POLA2: variants seen among roughly 807,000 people sequenced by gnomAD.
POLA2 encodes DNA polymerase alpha subunit B.
POLA2 carries 47 observed loss-of-function variants against 82.8 expected under a neutral mutation model. That is an observed-to-expected ratio of 0.57 (90% CI 0.45 to 0.72). The LOEUF (loss-of-function observed/expected upper bound fraction) is 0.72. POLA2 is among the 30% of genes least tolerant of loss of function. The probability of loss-of-function intolerance (pLI) is 0.00; values close to 1 mark genes in which losing one functional copy is unlikely to be tolerated. For missense variants in POLA2, 634 were observed against 728.1 expected (o/e 0.87, Z 1.49); for synonymous variants, 287 against 286.8 (o/e 1.00, Z -0.01).
intron 13 of POLA2, among the ~76,000 whole-genome samples, chr11:65,290,248 C>CAA (rs34183279): frequency 2.8e-4 from 20 of 71,196 alleles, no homozygotes; most frequent in Admixed American, 1.3e-3. Context: ...AACTCCATCT[C>CAA]AAAAAAAAAA....
At position 65,281,083 on chromosome 11, in the gene POLA2, C is replaced by G. The variant is rs1272655188; in HGVS notation, c.836C>G (p.Ser279Cys). 2 of 1,614,118 alleles carry G rather than the reference C, an allele frequency of 1.2e-6. No homozygotes were observed. Among genetic ancestry groups the G allele is most frequent in the Admixed American group, 3.3e-5 (2 of 60,024 alleles). The change falls in exon 8 of 18, where the codon TCC (serine) becomes TGC (cysteine). Residue 279 changes from serine to cysteine, a missense_variant. Physicochemically the swap from Ser to Cys is moderately radical, Grantham distance 112. Transcript: ENST00000265465. ...SVILEGDREH[S>C]SGAQIPVDLS... is the part of the protein sequence containing the mutation. ...ATTCTCGAGGGAGACCGGGAACATT[C>G]CTCGGGTGCTCAAATTCCAGTGGAT...
rs765901225 is a variant in POLA2, at chr11:65,280,988, G to A, written c.745-4G>A. ...ATTCTTATGCTGTGACCTTCCTTTG[G>A]TAGGAGCCTGTCACTCTGCTGGGCC... On this transcript the variant is annotated splice_polypyrimidine_tract_variant and splice_region_variant and intron_variant, in intron 7 of 17. Transcript: ENST00000265465. 112 of 1,613,188 alleles carry A rather than the reference G, an allele frequency of 6.9e-5. No individual in the cohort carries two copies. In the South Asian group the frequency reaches 1.1e-3, roughly 15 times the overall value.
intron 4 of POLA2, among the ~76,000 whole-genome samples, chr11:65,272,059 C>T (rs112638102): frequency 0.014 from 2,092 of 152,228 alleles, 39 homozygotes; most frequent in African/African-American, 0.048. Flanking sequence ...CCTGTAATCC[C>T]AGCACTTTGG....
At chr11:65,293,470 T>C (rs1047928971) in intron 13 of POLA2, among the ~76,000 whole-genome samples, 1 of 151,896 alleles carries the variant, frequency 6.6e-6, no homozygotes, top group African/African-American at 2.4e-5. Flanking sequence ...ATTAGGTGGG[T>C]GTGGTGGTGT....
In POLA2 at chr11:65,268,662, G is replaced by A; in HGVS notation, c.297-10G>A. 1 of 1,581,310 alleles carries A rather than the reference G, an allele frequency of 6.3e-7. No homozygotes were observed. Among genetic ancestry groups the A allele is most frequent in the Non-Finnish European group, 8.6e-7 (1 of 1,156,422 alleles). The stretch of plus-strand genomic sequence containing the variant: ...CAGCCATTATTGTTTTTCTTAACCA[G>A]TGTTCTTAGAATTGAAGTGGAAGAA... On this transcript the variant is annotated splice_polypyrimidine_tract_variant and intron_variant, in intron 3 of 17. Coordinates refer to ENST00000265465, the MANE Select transcript of POLA2 (RefSeq NM_002689.4).
At chr11:65,292,344 C>T (rs775040697) in intron 13 of POLA2, among the ~76,000 whole-genome samples, 81 of 152,202 alleles carry the variant, frequency 5.3e-4, no homozygotes, top group Non-Finnish European at 9.7e-4. Flanking sequence ...CTGTGACGTA[C>T]GAGGTTGTGC....
chr11:65,278,766 C>A lies in POLA2; in HGVS notation c.498C>A (p.Asn166Lys), dbSNP rs771671574. 6.2e-7 allele frequency: 1 copy of A among 1,613,676 alleles called. No homozygotes were observed. Among genetic ancestry groups the A allele is most frequent in the African/African-American group, 1.3e-5 (1 of 74,992 alleles). ...TPSQKYNSRS[N>K]RGEVVTSFGL... The stretch of plus-strand genomic sequence containing the variant: ...CCCAGAAATACAACTCACGAAGTAA[C>A]CGAGGAGAAGTGGTTACCTCCTTCG... Residue 166 changes from asparagine (N) to lysine (K), a missense_variant, in exon 6 of 18, where the codon AAC becomes AAA. Physicochemically the swap from Asn to Lys is moderately conservative, Grantham distance 94. Transcript: ENST00000265465.
At chr11:65,284,127 CTAGATAGATAGATAGA>C (rs60541542) in intron 10 of POLA2, among the ~76,000 whole-genome samples, 3,294 of 143,148 alleles carry the variant, frequency 0.023, 133 homozygotes, top group African/African-American at 0.079. Context: ...GAGTAAGACA[CTAGATAGATAGATAGA>C]TAGATAGATA....
At chr11:65,304,157 ATCCACCCATCCG>A (rs921728268) in intron 8 of POLA2, among the ~76,000 whole-genome samples, 2 of 152,058 alleles carry the variant, frequency 1.3e-5, no homozygotes, top group Admixed American at 6.6e-5. Flanking sequence ...GCATCCTACC[ATCCACCCATCCG>A]TCCACCCATC....
intron 4 of POLA2, among the ~76,000 whole-genome samples, chr11:65,275,241 A>C (rs1219208898): frequency 6.6e-6 from 1 of 152,102 alleles, no homozygotes; most frequent in Non-Finnish European, 1.5e-5. Context: ...CCTGGCTGCT[A>C]TCCAGGCAAG....
chr11:65,265,119 C>G (rs1949444640), intron 1 of POLA2, among the ~76,000 whole-genome samples: 1 of 151,966 alleles, frequency 6.6e-6, no homozygotes, highest in African/African-American at 2.4e-5. Context: ...GTCCCAGCTA[C>G]TTGGGAGGCT....
At chr11:65,264,109 C>G (rs1376570649) in intron 1 of POLA2, among the ~76,000 whole-genome samples, 1 of 152,024 alleles carries the variant, frequency 6.6e-6, no homozygotes, top group Non-Finnish European at 1.5e-5. Context: ...TTCTCATTGC[C>G]CAGGCTGGAG....
At chr11:65,293,195 G>A (rs71468698) in intron 13 of POLA2, among the ~76,000 whole-genome samples, 16 of 152,210 alleles carry the variant, frequency 1.1e-4, no homozygotes, top group East Asian at 1.9e-4. Flanking sequence ...GGAGGGATGC[G>A]ATGGCTCAGG....
rs1347924093 is a variant in POLA2, at chr11:65,275,887, C to T, written c.355-5C>T. Reference sequence around the variant, plus strand: ...TGAGATTTTGTTTTCCTTTTTTTTCCCTAGGGTTCTCAGAAGCGAGCTATC... The same window carrying T: ...TGAGATTTTGTTTTCCTTTTTTTTCTCTAGGGTTCTCAGAAGCGAGCTATC... On this transcript the variant is annotated splice_polypyrimidine_tract_variant and splice_region_variant and intron_variant, in intron 4 of 17. Transcript: ENST00000265465. 2.5e-6 allele frequency: 4 copies of T among 1,576,574 alleles called. No individual in the cohort carries two copies. The highest frequency in any genetic ancestry group is 2.6e-6 in the Non-Finnish European group (3 of 1,150,898).
chr11:65,281,746 C>G lies in POLA2; in HGVS notation c.963+14C>G. 1 of 1,603,716 alleles carries G rather than the reference C, an allele frequency of 6.2e-7. No homozygotes were observed. Among genetic ancestry groups the G allele is most frequent in the East Asian group, 2.2e-5 (1 of 44,824 alleles). On this transcript the variant is annotated intron_variant, in intron 9 of 17. Coordinates refer to ENST00000265465, the MANE Select transcript of POLA2 (RefSeq NM_002689.4). ...AAACTCTACGAGGTACACAGCAGTA[C>G]CCCCACTTGCCTCTTGGTTTGCTTC...
At chr11:65,266,775 A>C in intron 2 of POLA2, 69 bp downstream of exon 2, 10 of 1,545,706 alleles carry the variant, frequency 6.5e-6, no homozygotes, top group Non-Finnish European at 8.0e-6. Flanking sequence ...AGGCATTGTG[A>C]TATATTGAGA....
chr11:65,268,379 T>G (rs1304326873), intron 3 of POLA2, among the ~76,000 whole-genome samples: 1 of 150,728 alleles, frequency 6.6e-6, no homozygotes, highest in Non-Finnish European at 1.5e-5. Flanking sequence ...TGAGATGGAG[T>G]CTCGCTGTGT....
At chr11:65,286,396 G>A (rs548155779) in intron 10 of POLA2, among the ~76,000 whole-genome samples, 17 of 151,810 alleles carry the variant, frequency 1.1e-4, no homozygotes, top group Middle Eastern at 3.4e-3. Context: ...TAATAAATTC[G>A]TGGGCTTTTT....
rs551913776 is a variant in POLA2, at chr11:65,295,635, AG to A, written c.1520+37del. 3.6e-3 allele frequency: 5,589 copies of A among 1,571,328 alleles called. 12 individuals carry two copies. Among genetic ancestry groups the A allele is most frequent in the Non-Finnish European group, 4.2e-3 (4,830 of 1,142,518 alleles). ...CGCTGGGACCCCTGACTGTGGAGAGAGTGCCTTGGGGTCATGGAGCTATGAC... is the reference window on the plus strand; with the variant it reads ...CGCTGGGACCCCTGACTGTGGAGAGATGCCTTGGGGTCATGGAGCTATGAC... On this transcript the variant is annotated intron_variant, in intron 16 of 17. Transcript: ENST00000265465.
Sources: allele counts gnomAD v4.1 joint callset (sites outside exome capture counted in the v4.1 genomes callset), GRCh38; gene constraint gnomAD v4.1.1; transcripts MANE v1.5; gene names NCBI Gene and HGNC (gene_info 2026-07-23, HGNC 2026-07-21).